Variants in DLGAP2 observed in about 807,000 individuals in gnomAD.
DLGAP2 encodes DLG associated protein 2.
DLGAP2 carries 26 observed loss-of-function variants against 100.3 expected under a neutral mutation model. The ratio of observed to expected loss-of-function variants is 0.26; its 90% CI spans 0.19 to 0.36. DLGAP2 has a LOEUF of 0.36. Ranked by LOEUF, DLGAP2 falls within the 10% of genes least tolerant of loss-of-function variation. DLGAP2 has a pLI of 1.00. For missense variants in DLGAP2, 1,858 were observed against 1,453.2 expected (o/e 1.28, Z -4.53); for synonymous variants, 886 against 630.1 (o/e 1.41, Z -6.08).
chr8:1,142,973 C>T (rs1272819765), intron 2 of DLGAP2, among the ~76,000 whole-genome samples: 2 of 152,158 alleles, frequency 1.3e-5, no homozygotes, highest in South Asian at 4.1e-4. Flanking sequence ...CCAGGGAGAA[C>T]TACACAGGAT....
chr8:1,047,675 C>G (rs1054787705), intron 2 of DLGAP2, among the ~76,000 whole-genome samples: 6 of 152,086 alleles, frequency 3.9e-5, no homozygotes, highest in Admixed American at 6.5e-5. Flanking sequence ...CCACTGTGTC[C>G]CACTGTGTCC....
At chr8:1,274,355 A>G (rs1171328141) in intron 3 of DLGAP2, among the ~76,000 whole-genome samples, 3 of 152,168 alleles carry the variant, frequency 2.0e-5, no homozygotes, top group Non-Finnish European at 4.4e-5. Context: ...GCCAGCACGT[A>G]TAAGAAAATA....
intron 2 of DLGAP2, among the ~76,000 whole-genome samples, chr8:1,037,835 G>C (rs1056062716): frequency 3.9e-5 from 6 of 152,178 alleles, no homozygotes; most frequent in Admixed American, 2.6e-4. Context: ...ATCACCCTGG[G>C]AAAGCTTATC....
At chr8:1,584,475 C>T (rs1043733546) in intron 6 of DLGAP2, among the ~76,000 whole-genome samples, 2 of 152,318 alleles carry the variant, frequency 1.3e-5, no homozygotes, top group African/African-American at 4.8e-5. Context: ...TCACAGTCTC[C>T]TCCACTACCG....
At chr8:1,149,502 G>T (rs746416806) in intron 2 of DLGAP2, among the ~76,000 whole-genome samples, 3 of 152,110 alleles carry the variant, frequency 2.0e-5, no homozygotes, top group South Asian at 2.1e-4. Context: ...CTACTTATCT[G>T]ATTTTAGTAT....
chr8:1,638,404 G>C (rs1353602815), intron 8 of DLGAP2, among the ~76,000 whole-genome samples: 1 of 152,104 alleles, frequency 6.6e-6, no homozygotes, highest in African/African-American at 2.4e-5. Flanking sequence ...ACCCAGGAGA[G>C]GCCTCAGTTT....
intron 2 of DLGAP2, among the ~76,000 whole-genome samples, chr8:1,006,046 G>T (rs1255076464): frequency 6.6e-6 from 1 of 152,066 alleles, no homozygotes; most frequent in Non-Finnish European, 1.5e-5. Context: ...AAAATTAGCT[G>T]GGTGTGGTGG....
chr8:899,163 G>A (rs1043346789), intron 1 of DLGAP2, among the ~76,000 whole-genome samples: 2 of 152,198 alleles, frequency 1.3e-5, no homozygotes, highest in African/African-American at 4.8e-5. Flanking sequence ...TCCAGCCCCT[G>A]GATGGTTCCT....
At chr8:1,507,252 G>A (rs777229174) in intron 4 of DLGAP2, among the ~76,000 whole-genome samples, 7 of 152,252 alleles carry the variant, frequency 4.6e-5, no homozygotes, top group African/African-American at 9.6e-5. Flanking sequence ...AGCCCACCGC[G>A]AGGGGGAGGC....
chr8:889,517 C>G (rs1456086381), intron 1 of DLGAP2, among the ~76,000 whole-genome samples: 1 of 152,166 alleles, frequency 6.6e-6, no homozygotes, highest in Non-Finnish European at 1.5e-5. Context: ...TGCAGGGAAG[C>G]CACCCACTGA....
intron 2 of DLGAP2, among the ~76,000 whole-genome samples, chr8:989,109 G>T (rs536904455): frequency 6.6e-6 from 1 of 152,148 alleles, no homozygotes; most frequent in Non-Finnish European, 1.5e-5. Context: ...TGTGACGACC[G>T]CAGTGCAGTC....
At chr8:1,576,683 G>A (rs959899787) in intron 6 of DLGAP2, among the ~76,000 whole-genome samples, 2 of 152,070 alleles carry the variant, frequency 1.3e-5, no homozygotes, top group African/African-American at 2.4e-5. Context: ...AGCTACGTAT[G>A]GCTAGCCAGT....
chr8:1,132,596 A>G (rs1796316975), intron 2 of DLGAP2, among the ~76,000 whole-genome samples: 2 of 152,248 alleles, frequency 1.3e-5, no homozygotes, highest in Non-Finnish European at 2.9e-5. Flanking sequence ...CGCCCAACAC[A>G]GTAAAGCCAG....
At chr8:1,266,013 G>GA (rs1799443247) in intron 3 of DLGAP2, among the ~76,000 whole-genome samples, 2 of 152,160 alleles carry the variant, frequency 1.3e-5, no homozygotes, top group South Asian at 2.1e-4. Context: ...GATATGCAAA[G>GA]AAAAAAATGA....
chr8:1,151,695 G>A (rs1271855839), intron 2 of DLGAP2, among the ~76,000 whole-genome samples: 2 of 152,198 alleles, frequency 1.3e-5, no homozygotes, highest in Non-Finnish European at 2.9e-5. Flanking sequence ...GCTCAAAGCG[G>A]TGCTTAGGCC....
At chr8:857,949 C>T (rs544975492) in intron 1 of DLGAP2, among the ~76,000 whole-genome samples, 98 of 151,894 alleles carry the variant, frequency 6.5e-4, no homozygotes, top group African/African-American at 2.2e-3. Context: ...CGGCTCACTG[C>T]AGCCTCTGTC....
At chr8:1,019,848 T>C (rs1801579079) in intron 2 of DLGAP2, 1 of 152,186 alleles carries the variant, frequency 6.6e-6, no homozygotes, top group Non-Finnish European at 1.5e-5. Context: ...AGCCACTGGT[T>C]TCTTGCAGGG....
chr8:1,003,996 T>C (rs1197798248), intron 2 of DLGAP2, among the ~76,000 whole-genome samples: 2 of 152,218 alleles, frequency 1.3e-5, no homozygotes, highest in Admixed American at 1.3e-4. Flanking sequence ...TCAATTCTTT[T>C]TTACCATTTT....
chr8:1,156,239 A>T (rs1342722503), intron 2 of DLGAP2, among the ~76,000 whole-genome samples: 3 of 152,096 alleles, frequency 2.0e-5, no homozygotes, highest in African/African-American at 7.2e-5. Context: ...CCTGAAACCC[A>T]GGACCCGGGT....
Sources: gnomAD v4.1 joint callset for allele counts (sites outside exome capture counted in the v4.1 genomes callset) on GRCh38, gnomAD v4.1.1 for gene constraint, MANE v1.5 for transcripts, NCBI Gene and HGNC (gene_info 2026-07-23, HGNC 2026-07-21) for gene names.